Variants in PWWP2A observed in about 807,000 individuals in gnomAD.
The protein encoded by PWWP2A is PWWP domain-containing protein 2A.
PWWP2A carries 18 observed loss-of-function variants against 48.5 expected under a neutral mutation model. The ratio of observed to expected loss-of-function variants is 0.37; its 90% CI spans 0.26 to 0.55. The LOEUF is 0.55. Among genes scored for constraint, PWWP2A ranks in the 20% least tolerant of loss-of-function variants. PWWP2A has a pLI of 0.81. For synonymous variants in PWWP2A, 396 were observed against 387.7 expected, an observed-to-expected ratio of 1.02 and a Z score of -0.25; for missense variants, 867 against 976.4, an observed-to-expected ratio of 0.89 and a Z score of 1.49.
chr5:160,102,740 C>A (rs938335668), intron 1 of PWWP2A, among the ~76,000 whole-genome samples: 1 of 152,130 alleles, frequency 6.6e-6, no homozygotes, highest in Non-Finnish European at 1.5e-5. Flanking sequence ...GGGCACATGG[C>A]TATCATGGGC....
downstream of PWWP2A, chr5:160,075,804 GTA>G (rs1753858139): frequency 1.0e-4 from 1 of 9,708 alleles, no homozygotes; most frequent in African/African-American, 5.9e-4. Flanking sequence ...AATTCTAATA[GTA>G]AAAAAAAAAA....
At chr5:160,118,466 T>C (rs2113701768) in intron 1 of PWWP2A, among the ~76,000 whole-genome samples, 1 of 125,302 alleles carries the variant, frequency 8.0e-6, no homozygotes, top group African/African-American at 3.0e-5. Context: ...CAAAAATCCA[T>C]CTGCATCTTG....
downstream of PWWP2A, among the ~76,000 whole-genome samples, chr5:160,088,882 C>A (rs1235751615): frequency 6.6e-6 from 1 of 152,110 alleles, no homozygotes; most frequent in Non-Finnish European, 1.5e-5. Context: ...AGACTTGTGA[C>A]CTTTTAAACA....
chr5:160,054,983 C>A, the PWWP2A span, among the ~76,000 whole-genome samples: 4 of 152,310 alleles, frequency 2.6e-5, no homozygotes, highest in African/African-American at 9.6e-5. Context: ...CCTCAGGAGT[C>A]CCTTGAGAAG....
intron 1 of PWWP2A, among the ~76,000 whole-genome samples, chr5:160,100,581 A>G (rs763444858): frequency 7.9e-5 from 12 of 152,254 alleles, no homozygotes. Context: ...AGCCTGGTCA[A>G]CATAGCCAGA....
chr5:160,048,406 C>T, the PWWP2A span, among the ~76,000 whole-genome samples: 5 of 152,006 alleles, frequency 3.3e-5, no homozygotes, highest in Non-Finnish European at 7.4e-5. Context: ...CTGCCTGCCT[C>T]GGCCTCCCAA....
At chr5:160,097,318 G>A (rs73311165) in intron 1 of PWWP2A, among the ~76,000 whole-genome samples, 1 of 108,818 alleles carries the variant, frequency 9.2e-6, no homozygotes, top group African/African-American at 3.6e-5. Flanking sequence ...GCCTGAGCAA[G>A]TGAGTAAGCC....
downstream of PWWP2A, chr5:160,061,767 T>C (rs1246731820): frequency 1.3e-5 from 2 of 152,214 alleles, no homozygotes; most frequent in Non-Finnish European, 2.9e-5. Flanking sequence ...ATGTGTTAGT[T>C]TGGGTCATCC....
At chr5:160,056,511 T>C in the PWWP2A span, among the ~76,000 whole-genome samples, 1 of 152,042 alleles carries the variant, frequency 6.6e-6, no homozygotes, top group African/African-American at 2.4e-5. Flanking sequence ...AAGACTGCAG[T>C]TGAAGAGTTC....
In PWWP2A at chr5:160,077,955, T is replaced by A; in HGVS notation, c.*200A>T. The A allele has an allele frequency of 2.0e-6, 1 of 497,416 alleles. No individual in the cohort carries two copies. The highest frequency in any genetic ancestry group is 3.6e-6 in the Non-Finnish European group (1 of 277,116). 30.8% of individuals were successfully genotyped at this position (497,416 alleles called of 1,614,324 possible). ...ATGCATAATTTATTGCAAGTTTATT[T>A]TTTATAAAATATTCCCTAATACCTT... On this transcript the variant is annotated 3_prime_UTR_variant, in exon 4 of 4. Coordinates refer to the PWWP2A transcript ENST00000456329. The surrounding 1 kb of genome is among the most constrained non-coding windows in gnomAD (Gnocchi z 4.2).
chr5:160,111,360 G>A (rs1172155571), intron 1 of PWWP2A, among the ~76,000 whole-genome samples: 1 of 152,090 alleles, frequency 6.6e-6, no homozygotes, highest in East Asian at 1.9e-4. Context: ...TAGTGACAGG[G>A]TTTCATCATA....
At chr5:160,058,445 G>C (rs1300966360), downstream of PWWP2A, among the ~76,000 whole-genome samples, 35 of 139,856 alleles carry the variant, frequency 2.5e-4, no homozygotes, top group African/African-American at 6.7e-4. Context: ...GAGTCTCGCT[G>C]TGTCGCCCAG....
chr5:160,083,568 C>G (rs1194890698), intron 2 of PWWP2A, among the ~76,000 whole-genome samples: 1 of 152,204 alleles, frequency 6.6e-6, no homozygotes, highest in Non-Finnish European at 1.5e-5. Context: ...TACCCAAAAG[C>G]TGACAAATGT....
chr5:160,118,651 G>A (rs1489674973), intron 1 of PWWP2A, among the ~76,000 whole-genome samples, 154 bp downstream of exon 1: 1 of 146,652 alleles, frequency 6.8e-6, no homozygotes, highest in Non-Finnish European at 1.5e-5. Flanking sequence ...TCGCGCGCCT[G>A]CCCCACTCGG....
At chr5:160,064,157 T>C (rs1048939341) in intron 4 of PWWP2A, among the ~76,000 whole-genome samples, 1 of 151,796 alleles carries the variant, frequency 6.6e-6, no homozygotes, top group Admixed American at 6.6e-5. Context: ...TTTGTAGAGA[T>C]AGGGTTTCAT....
At chr5:160,046,169 A>G in the PWWP2A span, among the ~76,000 whole-genome samples, 1 of 151,838 alleles carries the variant, frequency 6.6e-6, no homozygotes, top group African/African-American at 2.4e-5. Context: ...GTCTTATCCT[A>G]TTTTTCTCCT....
At chr5:160,052,751 AT>A in the PWWP2A span, among the ~76,000 whole-genome samples, 1 of 151,940 alleles carries the variant, frequency 6.6e-6, no homozygotes, top group African/African-American at 2.4e-5. Context: ...TAAAACTTCC[AT>A]TTGTCCTTGT....
chr5:160,055,071 C>T, the PWWP2A span, among the ~76,000 whole-genome samples: 4 of 152,232 alleles, frequency 2.6e-5, no homozygotes, highest in African/African-American at 7.2e-5. Context: ...TTATGGCAGC[C>T]ATGCTGGGAG....
intron 1 of PWWP2A, among the ~76,000 whole-genome samples, 186 bp downstream of exon 1, chr5:160,118,619 C>T (rs1160973079): frequency 6.6e-6 from 1 of 152,148 alleles, no homozygotes; most frequent in East Asian, 1.9e-4. Flanking sequence ...CCACCTGGGG[C>T]CGGGACCGCC....
Sources: allele counts gnomAD v4.1 joint callset (sites outside exome capture counted in the v4.1 genomes callset), GRCh38; gene constraint gnomAD v4.1.1; non-coding constraint Gnocchi (gnomAD v3.1); transcripts MANE v1.5; gene names NCBI Gene and HGNC (gene_info 2026-07-23, HGNC 2026-07-21).